The following SIK3 variants were observed in gnomAD, a reference collection of about 807,000 sequenced individuals.
SIK3 encodes the protein serine/threonine-protein kinase SIK3.
A neutral mutation model predicts 144.2 loss-of-function variants in SIK3; 28 were observed. The observed-to-expected ratio is 0.19, with a 90% confidence interval of 0.14 to 0.27. SIK3 has a LOEUF of 0.27. Ranked by LOEUF, SIK3 falls within the 10% of genes least tolerant of loss-of-function variation. The pLI, the probability that SIK3 is intolerant of heterozygous loss-of-function variation, is 1.00. For synonymous variants in SIK3, 686 were observed against 676.3 expected (o/e 1.01, Z -0.22); for missense variants, 1,319 against 1,776.0 (o/e 0.74, Z 4.62).
chr11:116,903,685 C>G (rs1033594609), intron 4 of SIK3, among the ~76,000 whole-genome samples: 53 of 152,164 alleles, frequency 3.5e-4, no homozygotes, highest in Non-Finnish European at 5.1e-4. Context: ...GGGCTCAAGC[C>G]ATCTTCCTGC....
At chr11:117,050,977 C>G (rs1211326708) in intron 1 of SIK3, among the ~76,000 whole-genome samples, 2 of 152,044 alleles carry the variant, frequency 1.3e-5, no homozygotes, top group Admixed American at 6.6e-5. Context: ...ATGGCCCAGA[C>G]AGCTGATAAA....
intron 1 of SIK3, chr11:117,035,935 T>G: frequency 6.3e-7 from 1 of 1,592,666 alleles, no homozygotes. Context: ...TTTTATAGCA[T>G]CCTGGGCATT....
At chr11:116,900,125 C>G (rs896958534) in intron 4 of SIK3, among the ~76,000 whole-genome samples, 1 of 152,158 alleles carries the variant, frequency 6.6e-6, no homozygotes, top group Non-Finnish European at 1.5e-5. Flanking sequence ...ATCCCCAATA[C>G]TTGCTTGGGA....
At chr11:117,029,087 T>A (rs1952145881) in intron 1 of SIK3, among the ~76,000 whole-genome samples, 2 of 152,150 alleles carry the variant, frequency 1.3e-5, no homozygotes, top group African/African-American at 4.8e-5. Flanking sequence ...TTTGGTATTT[T>A]TAGTGGAGAC....
intron 1 of SIK3, among the ~76,000 whole-genome samples, chr11:117,036,424 T>G (rs1230806342): frequency 2.6e-5 from 4 of 152,132 alleles, no homozygotes; most frequent in African/African-American, 9.7e-5. Context: ...TCAGAACTTG[T>G]GAAGAAAGAA....
intron 1 of SIK3, chr11:117,036,143 A>C: frequency 2.0e-6 from 1 of 488,418 alleles, no homozygotes; most frequent in Non-Finnish European, 3.6e-6. Context: ...TTGTCTTGCA[A>C]CTCCTGGCTT....
Position 116,911,438 on chromosome 11 carries a change from C to T in SIK3, c.617-14121G>A, listed in dbSNP as rs927811012. Among the ~76,000 whole-genome samples the T allele has an allele frequency of 2.2e-4, 34 of 151,816 alleles. 1 individual carries two copies. In the Middle Eastern group the frequency reaches 0.01, roughly 46 times the overall value. On this transcript the variant is annotated intron_variant, in intron 4 of 24. Coordinates refer to ENST00000445177, the MANE Select transcript of SIK3 (RefSeq NM_001366686.3). ...AGGAGAACTGCTTGAACCCGGGAGGCGGAGGCTGCAGTGACCCGAGATGGT... is the reference window on the plus strand; with the variant it reads ...AGGAGAACTGCTTGAACCCGGGAGGTGGAGGCTGCAGTGACCCGAGATGGT...
At chr11:116,865,645 A>C (rs1943595135) in intron 15 of SIK3, among the ~76,000 whole-genome samples, 2 of 152,164 alleles carry the variant, frequency 1.3e-5, no homozygotes, top group Non-Finnish European at 2.9e-5. Context: ...TAAATTACAC[A>C]TTTCCAGAAA....
chr11:116,986,582 T>C (rs1044273847), intron 1 of SIK3, among the ~76,000 whole-genome samples: 1 of 152,326 alleles, frequency 6.6e-6, no homozygotes, highest in East Asian at 1.9e-4. Flanking sequence ...TATGTATCTA[T>C]ACATTGTCAT....
intron 1 of SIK3, among the ~76,000 whole-genome samples, chr11:117,017,416 G>C (rs1188049059): frequency 6.6e-6 from 1 of 152,158 alleles, no homozygotes; most frequent in Non-Finnish European, 1.5e-5. Flanking sequence ...AGCTCATTAA[G>C]CTGTGTATTT....
At chr11:116,946,705 C>T (rs996584257) in intron 3 of SIK3, among the ~76,000 whole-genome samples, 50 of 152,324 alleles carry the variant, frequency 3.3e-4, no homozygotes, top group African/African-American at 1.2e-3. Context: ...AACAACCTTG[C>T]TTCCTGTACA....
rs377523159 is a variant in SIK3, at chr11:116,896,241, C to T, written c.865+12G>A. 20 of 1,612,766 alleles carry T rather than the reference C, an allele frequency of 1.2e-5. No individual in the cohort carries two copies. The highest frequency in any genetic ancestry group is 1.1e-4 in the African/African-American group (8 of 75,002). ...GAACCCATTCATAGCTGTGTGCTAG[C>T]GACTCCCTTACCTGTGGACATAAAA... On this transcript the variant is annotated intron_variant, in intron 6 of 24. Coordinates refer to ENST00000445177, the MANE Select transcript of SIK3 (RefSeq NM_001366686.3).
At chr11:116,918,080 AT>A (rs1313083536) in intron 4 of SIK3, among the ~76,000 whole-genome samples, 1 of 152,152 alleles carries the variant, frequency 6.6e-6, no homozygotes, top group Non-Finnish European at 1.5e-5. Context: ...TTTTATTTTA[AT>A]GGGCAAATTA....
At chr11:116,999,578 T>C (rs1950782291) in intron 1 of SIK3, among the ~76,000 whole-genome samples, 1 of 149,936 alleles carries the variant, frequency 6.7e-6, no homozygotes, top group South Asian at 2.1e-4. Flanking sequence ...TGTGGCATTT[T>C]GTTTTCTTTT....
At chr11:116,942,903 TA>T (rs1478446112) in intron 3 of SIK3, among the ~76,000 whole-genome samples, 1 of 152,140 alleles carries the variant, frequency 6.6e-6, no homozygotes, top group African/African-American at 2.4e-5. Flanking sequence ...ACTTGAATTT[TA>T]AAAGAATCCT....
intron 4 of SIK3, among the ~76,000 whole-genome samples, chr11:116,906,468 G>T (rs1378269371): frequency 6.6e-6 from 1 of 152,170 alleles, no homozygotes; most frequent in East Asian, 1.9e-4. Context: ...GTAGAGAAAA[G>T]GGAAGGATGA....
chr11:117,084,711 T>C (rs1169483115), intron 1 of SIK3, among the ~76,000 whole-genome samples: 1 of 152,192 alleles, frequency 6.6e-6, no homozygotes, highest in African/African-American at 2.4e-5. Flanking sequence ...TACGTTTCTA[T>C]GAAAACTTCA....
At chr11:116,909,676 G>C (rs1179273766) in intron 4 of SIK3, among the ~76,000 whole-genome samples, 1 of 152,196 alleles carries the variant, frequency 6.6e-6, no homozygotes, top group East Asian at 1.9e-4. Context: ...TGAGGGCAGA[G>C]GTTTTTCTCA....
intron 1 of SIK3, among the ~76,000 whole-genome samples, chr11:117,011,977 C>T (rs929054554): frequency 6.6e-6 from 1 of 151,882 alleles, no homozygotes; most frequent in African/African-American, 2.4e-5. Context: ...TCTGGTTATC[C>T]CCTAAACACT....
Sources: allele counts gnomAD v4.1 joint callset (sites outside exome capture counted in the v4.1 genomes callset), GRCh38; gene constraint gnomAD v4.1.1; transcripts MANE v1.5; gene names NCBI Gene and HGNC (gene_info 2026-07-23, HGNC 2026-07-21).